The following SYCP1 variants were observed in gnomAD, a reference collection of about 807,000 sequenced individuals.
SYCP1 encodes synaptonemal complex protein 1.
Under a neutral mutation model 153.1 loss-of-function variants are expected in SYCP1, and 64 were observed. That is an observed-to-expected ratio of 0.42 (90% CI 0.34 to 0.51). SYCP1 has a LOEUF of 0.51. SYCP1 is among the 20% of genes least tolerant of loss of function. The pLI is 0.06. For missense variants in SYCP1, 997 were observed against 1,049.0 expected, an observed-to-expected ratio of 0.95 and a Z score of 0.68; for synonymous variants, 384 against 341.8, an observed-to-expected ratio of 1.12 and a Z score of -1.36.
chr1:114,901,748 C>T (rs12057904), intron 16 of SYCP1, among the ~76,000 whole-genome samples: 2,320 of 152,266 alleles, frequency 0.015, 53 homozygotes, highest in African/African-American at 0.053. Context: ...TCCTTTCTCA[C>T]AACTAAAACT....
Position 114,886,184 on chromosome 1 carries a change from A to G in SYCP1, c.1065A>G (p.Leu355=). ...LQIATKTICQ[L]TEEKETQMEE... ...TAGCAACAAAAACAATTTGTCAGCT[A>G]ACTGAAGAAAAAGAAACTCAAATGG... is the stretch of plus-strand genomic sequence containing the variant. The change falls in exon 14 of 32, where the codon CTA becomes CTG. Residue 355 remains leucine, a synonymous_variant. Transcript: ENST00000369522. 1 of 1,612,136 alleles carries G rather than the reference A, an allele frequency of 6.2e-7. No individual in the cohort carries two copies. The highest frequency in any genetic ancestry group is 8.5e-7 in the Non-Finnish European group (1 of 1,179,218).
At chr1:114,967,139 A>C (rs755431542) in intron 27 of SYCP1, among the ~76,000 whole-genome samples, 2 of 152,210 alleles carry the variant, frequency 1.3e-5, no homozygotes, top group Non-Finnish European at 2.9e-5. Flanking sequence ...GCTGAGAAGA[A>C]TGTATATTCT....
In SYCP1 at chr1:114,995,192, G is replaced by A; in HGVS notation, c.*173G>A. 1 of 538,826 alleles carries A rather than the reference G, an allele frequency of 1.9e-6. No homozygotes were observed. Among genetic ancestry groups the A allele is most frequent in the Non-Finnish European group, 3.0e-6 (1 of 330,382 alleles). The allele number at this position is 538,826 out of a possible 1,614,324, so 33.4% of individuals were successfully genotyped here. ...CCTAAATGTTAACTACATATTGTCT[G>A]GAAACCTGTCATTGTATTCAGATAA... On this transcript the variant is annotated 3_prime_UTR_variant, in exon 32 of 32. Coordinates refer to ENST00000369522, the MANE Select transcript of SYCP1 (RefSeq NM_003176.4).
At chr1:114,989,179 C>T (rs1673738503) in intron 30 of SYCP1, among the ~76,000 whole-genome samples, 1 of 151,334 alleles carries the variant, frequency 6.6e-6, no homozygotes, top group African/African-American at 2.4e-5. Flanking sequence ...CAAAACAAAA[C>T]AAAAAACCAA....
rs753225397 is a variant in SYCP1, at chr1:114,946,374, C to T, written c.2240C>T (p.Ala747Val). The change falls in exon 26 of 32, where the codon GCA becomes GTA. Residue 747 changes from alanine (A) to valine (V), a missense_variant. Transcript: ENST00000369522. ...SKEQEQSSLR[A>V]SLEIELSNLK... Reference sequence around the variant, plus strand: ...GAACAAGAACAGTCATCACTGAGAGCATCTTTGGTGAGATACAGAAAAAAT... The same window carrying T: ...GAACAAGAACAGTCATCACTGAGAGTATCTTTGGTGAGATACAGAAAAAAT... 1 of 1,581,374 alleles carries T rather than the reference C, an allele frequency of 6.3e-7. No homozygotes were observed. Among genetic ancestry groups the T allele is most frequent in the Non-Finnish European group, 8.6e-7 (1 of 1,166,482 alleles).
rs554227420 is a variant in SYCP1 at position 114,940,971 on chromosome 1, TA to T, written c.1927-3367del. On this transcript the variant is annotated intron_variant, in intron 23 of 31. Transcript: ENST00000369522. ...CAAGGCCATATTATTGGGTGTACAT[TA>T]TTTTGAATATGTGCAACTTTTTATT... Among the ~76,000 whole-genome samples the T allele has an allele frequency of 2.8e-3, 429 of 152,302 alleles. 1 individual carries two copies. Among genetic ancestry groups the T allele is most frequent in the African/African-American group, 9.8e-3 (409 of 41,550 alleles).
Position 114,902,769 on chromosome 1 carries a change from A to G in SYCP1, c.1320+7260A>G, listed in dbSNP as rs1410284023. Among the ~76,000 whole-genome samples the G allele has an allele frequency of 1.3e-5, 2 of 152,022 alleles. 1 individual carries two copies. The highest frequency in any genetic ancestry group is 4.8e-5 in the African/African-American group (2 of 41,262). On this transcript the variant is annotated intron_variant, in intron 16 of 31. Coordinates refer to ENST00000369522, the MANE Select transcript of SYCP1 (RefSeq NM_003176.4). Reference sequence around the variant, plus strand: ...CTATATGATCAAGAGCAGTTTACCTAAACTCTTGATGCCTCAGTTTTTCCA... The same window carrying G: ...CTATATGATCAAGAGCAGTTTACCTGAACTCTTGATGCCTCAGTTTTTCCA...
Position 114,882,505 on chromosome 1 carries a change from C to T in SYCP1, c.911-3030C>T, listed in dbSNP as rs140787780. On this transcript the variant is annotated intron_variant, in intron 12 of 31. Coordinates refer to ENST00000369522, the MANE Select transcript of SYCP1 (RefSeq NM_003176.4). ...CTAGTTTTCAGTTTCTTCTTATTTT[C>T]GAGGTTGTCTTTTCTTTAAATATAC... Among the ~76,000 whole-genome samples, 158 of 151,992 alleles carry T rather than the reference C, an allele frequency of 1.0e-3. 2 individuals carry two copies. Among genetic ancestry groups the T allele is most frequent in the African/African-American group, 3.7e-3 (152 of 41,480 alleles).
chr1:114,871,684 T>G (rs943945561), intron 8 of SYCP1, among the ~76,000 whole-genome samples: 1 of 152,170 alleles, frequency 6.6e-6, no homozygotes, highest in Non-Finnish European at 1.5e-5. Flanking sequence ...GTGATTCTCC[T>G]GCCTCAGCCT....
At chr1:114,856,921 C>CAAAAAAAAAAAAAA (rs758650224) in intron 3 of SYCP1, among the ~76,000 whole-genome samples, 1 of 37,282 alleles carries the variant, frequency 2.7e-5, no homozygotes, top group Non-Finnish European at 4.7e-5. Flanking sequence ...CCTGTCTGTA[C>CAAAAAAAAAAAAAA]AAAAAAAAAA....
intron 4 of SYCP1, 68 bp downstream of exon 4, chr1:114,857,343 A>G (rs577441737): frequency 2.6e-6 from 4 of 1,553,664 alleles, no homozygotes; most frequent in South Asian, 1.2e-5. Context: ...GAAGACGAAA[A>G]AAGTCTTTAG....
chr1:114,936,648 A>G (rs1670034449), intron 23 of SYCP1, among the ~76,000 whole-genome samples: 1 of 152,216 alleles, frequency 6.6e-6, no homozygotes, highest in Non-Finnish European at 1.5e-5. Context: ...GTATATTTAG[A>G]AAACCCCATT....
intron 8 of SYCP1, among the ~76,000 whole-genome samples, chr1:114,869,012 A>C (rs1425862531): frequency 1.3e-5 from 2 of 152,062 alleles, no homozygotes. Context: ...ATTTTTTAAA[A>C]TATTGATTTT....
At position 114,911,504 on chromosome 1, in the gene SYCP1, A is replaced by G; in HGVS notation, c.1451A>G (p.Gln484Arg). The change falls in exon 18 of 32, where the codon CAG becomes CGG. Residue 484 changes from glutamine (Q) to arginine (R), a missense_variant. Gln to Arg is a conservative substitution (Grantham distance 43). Around this residue, in one of 2 missense-constraint regions of SYCP1, gnomAD observed 712 missense variants for 682.9 expected, o/e 1.04. Coordinates refer to ENST00000369522, the MANE Select transcript of SYCP1 (RefSeq NM_003176.4). ...AAAGAAGTACATGATTTGGAAATACAGTTAACTGCCATTACCACAAGTGAA... is the reference window on the plus strand; with the variant it reads ...AAAGAAGTACATGATTTGGAAATACGGTTAACTGCCATTACCACAAGTGAA... Reference protein sequence around the residue: ...REKEVHDLEIQLTAITTSEQY... With the variant: ...REKEVHDLEIRLTAITTSEQY... The G allele has an allele frequency of 6.4e-6, 10 of 1,557,496 alleles. No individual in the cohort carries two copies. Among genetic ancestry groups the G allele is most frequent in the Non-Finnish European group, 8.6e-6 (10 of 1,157,568 alleles).
At chr1:114,971,557 T>G (rs537709448) in intron 27 of SYCP1, among the ~76,000 whole-genome samples, 2 of 152,316 alleles carry the variant, frequency 1.3e-5, no homozygotes, top group South Asian at 4.1e-4. Context: ...TTCAGTATGA[T>G]ACTAGCTGTG....
intron 20 of SYCP1, among the ~76,000 whole-genome samples, chr1:114,917,112 C>G (rs72695807): frequency 0.037 from 5,546 of 151,930 alleles, 125 homozygotes; most frequent in African/African-American, 0.053. Context: ...ATTTTTTGTA[C>G]TCATTAACCA....
At chr1:114,985,937 T>C (rs1035767642) in intron 30 of SYCP1, among the ~76,000 whole-genome samples, 3 of 151,298 alleles carry the variant, frequency 2.0e-5, no homozygotes, top group South Asian at 4.2e-4. Context: ...AAATAACAAT[T>C]CAGTAGAAAA....
intron 27 of SYCP1, among the ~76,000 whole-genome samples, chr1:114,965,188 G>A (rs185035840): frequency 6.6e-6 from 1 of 152,188 alleles, no homozygotes; most frequent in Admixed American, 6.5e-5. Context: ...AAGAATGCTT[G>A]TGATTTTTGT....
At chr1:114,905,580 C>T (rs1007349070) in intron 16 of SYCP1, among the ~76,000 whole-genome samples, 1 of 152,162 alleles carries the variant, frequency 6.6e-6, no homozygotes, top group Non-Finnish European at 1.5e-5. Context: ...AGATTAGCTT[C>T]CAAGATAGAG....
Sources: gnomAD v4.1 joint callset for allele counts (sites outside exome capture counted in the v4.1 genomes callset) on GRCh38, gnomAD v4.1.1 for gene constraint, gnomAD v4.1.1 regional missense constraint, MANE v1.5 for transcripts, NCBI Gene and HGNC (gene_info 2026-07-23, HGNC 2026-07-21) for gene names.